The following COL22A1 variants were observed in gnomAD, a reference collection of about 807,000 sequenced individuals.
COL22A1 encodes collagen type XXII alpha 1 chain.
In COL22A1, 221 loss-of-function variants were observed where a neutral mutation model predicts 248.9. The observed-to-expected ratio is 0.89, with a 90% CI of 0.80 to 0.99. The LOEUF (loss-of-function observed/expected upper bound fraction) is 0.99. COL22A1 is among the 50% of genes least tolerant of loss of function. The pLI, the probability that COL22A1 is intolerant of heterozygous loss-of-function variation, is 0.00. For missense variants in COL22A1, 2,240 were observed against 2,179.0 expected (o/e 1.03, Z -0.56); for synonymous variants, 891 against 793.4 (o/e 1.12, Z -2.07).
intron 21 of COL22A1, among the ~76,000 whole-genome samples, chr8:138,754,886 C>T (rs1832868156): frequency 6.6e-6 from 1 of 152,198 alleles, no homozygotes; most frequent in African/African-American, 2.4e-5. Context: ...CCATCATGGC[C>T]CGCTGGGGAC....
rs185758859 is a variant in COL22A1 at position 138,809,746 on chromosome 8, C to T, written c.1450-1934G>A. The stretch of plus-strand genomic sequence containing the variant: ...TGTTGGCCAGGCTGGTCTCAAACTC[C>T]TGATCTCGTGATCTGCCTGCCTCGG... On this transcript the variant is annotated intron_variant, in intron 9 of 64. Coordinates refer to ENST00000303045, the MANE Select transcript of COL22A1 (RefSeq NM_152888.3). Among the ~76,000 whole-genome samples, 302 of 152,098 alleles carry T rather than the reference C, an allele frequency of 2.0e-3. 2 individuals carry two copies. The highest frequency in any genetic ancestry group is 6.9e-3 in the African/African-American group (287 of 41,482).
intron 10 of COL22A1, among the ~76,000 whole-genome samples, chr8:138,805,365 ATGGGTG>A (rs1817437810): frequency 1.5e-4 from 20 of 130,176 alleles, no homozygotes; most frequent in Middle Eastern, 6.0e-3. Flanking sequence ...GATGGTGTGC[ATGGGTG>A]TGTGATGGTG....
chr8:138,709,508 A>G (rs1206976666), intron 30 of COL22A1, among the ~76,000 whole-genome samples: 2 of 151,934 alleles, frequency 1.3e-5, no homozygotes, highest in African/African-American at 4.8e-5. Context: ...GAAGCTGGAA[A>G]TCATCATTCT....
intron 37 of COL22A1, among the ~76,000 whole-genome samples, chr8:138,688,101 C>T (rs1014359935): frequency 6.6e-6 from 1 of 152,084 alleles, no homozygotes; most frequent in Admixed American, 6.5e-5. Context: ...ACCTCAGAGA[C>T]ATTTCCTAAG....
At chr8:138,680,996 G>T (rs975873414) in intron 39 of COL22A1, among the ~76,000 whole-genome samples, 2 of 152,268 alleles carry the variant, frequency 1.3e-5, no homozygotes, top group African/African-American at 2.4e-5. Context: ...CCCCCCGGGG[G>T]GGGTCTCAGC....
chr8:138,636,930 C>T (rs2132035313), intron 47 of COL22A1, 135 bp from the exon 48 acceptor site: 3 of 743,712 alleles, frequency 4.0e-6, no homozygotes, highest in African/African-American at 3.5e-5. Flanking sequence ...GTAGCTCAGG[C>T]ACGGTGGCAG....
chr8:138,854,530 C>T (rs1821871256), intron 3 of COL22A1, among the ~76,000 whole-genome samples: 1 of 152,128 alleles, frequency 6.6e-6, no homozygotes, highest in Admixed American at 6.5e-5. Context: ...GGTGATGGAG[C>T]CCTTCCCACT....
intron 23 of COL22A1, among the ~76,000 whole-genome samples, chr8:138,729,587 T>C (rs1830562963): frequency 6.6e-6 from 1 of 152,220 alleles, no homozygotes; most frequent in African/African-American, 2.4e-5. Flanking sequence ...TCTGAAAGTC[T>C]GGAAAGCTCT....
At chr8:138,658,446 G>T (rs1340965577) in intron 44 of COL22A1, among the ~76,000 whole-genome samples, 1 of 152,146 alleles carries the variant, frequency 6.6e-6, no homozygotes, top group Non-Finnish European at 1.5e-5. Context: ...AGCCATGTGG[G>T]CACTCCATGC....
chr8:138,818,847 C>T (rs1432202827), intron 7 of COL22A1, among the ~76,000 whole-genome samples: 2 of 152,172 alleles, frequency 1.3e-5, no homozygotes, highest in Admixed American at 6.5e-5. Context: ...ATTTCATCCC[C>T]TCAGCAACTG....
chr8:138,597,146 C>A (rs1817610682), intron 61 of COL22A1, among the ~76,000 whole-genome samples, 176 bp from the exon 62 acceptor site: 1 of 152,180 alleles, frequency 6.6e-6, no homozygotes, highest in South Asian at 2.1e-4. Context: ...CTCTGTTATG[C>A]AGGCAGCATC....
Position 138,903,127 on chromosome 8 carries a change from C to G in COL22A1, c.-73+10492G>C, listed in dbSNP as rs191602542. Among the ~76,000 whole-genome samples, 432 of 152,244 alleles carry G rather than the reference C, an allele frequency of 2.8e-3. 2 individuals are homozygous for G. The highest frequency in any genetic ancestry group is 9.6e-3 in the African/African-American group (401 of 41,556). ...AACTTATGAATTATTGAGCATCAAC[C>G]CTACAGCAAATATGGAGCAGGGACA... On this transcript the variant is annotated intron_variant, in intron 1 of 64. Transcript: ENST00000303045.
At chr8:138,837,797 G>A (rs1478511975) in intron 4 of COL22A1, among the ~76,000 whole-genome samples, 2 of 152,162 alleles carry the variant, frequency 1.3e-5, no homozygotes, top group Admixed American at 1.3e-4. Context: ...GTCTGCTTAG[G>A]ATTAGATGTT....
intron 12 of COL22A1, among the ~76,000 whole-genome samples, chr8:138,789,041 T>C (rs1815802867): frequency 6.6e-6 from 1 of 152,130 alleles, no homozygotes; most frequent in African/African-American, 2.4e-5. Flanking sequence ...AGTCCAGCAT[T>C]TACCCTTCCC....
intron 41 of COL22A1, among the ~76,000 whole-genome samples, chr8:138,670,171 C>T (rs9657456): frequency 6.6e-6 from 1 of 152,118 alleles, no homozygotes; most frequent in African/African-American, 2.4e-5. Flanking sequence ...ACAGGTTGAG[C>T]CACTGCACCT....
intron 3 of COL22A1, among the ~76,000 whole-genome samples, chr8:138,845,873 C>T (rs914153937): frequency 6.6e-6 from 1 of 152,068 alleles, no homozygotes; most frequent in Non-Finnish European, 1.5e-5. Context: ...CCAGCCCTGC[C>T]CATGAAGCAA....
chr8:138,593,144 A>T (rs573889955), intron 63 of COL22A1, among the ~76,000 whole-genome samples: 65 of 152,200 alleles, frequency 4.3e-4, no homozygotes, highest in Non-Finnish European at 1.5e-5. Context: ...GCATGTTCTC[A>T]CTCATAAGTG....
chr8:138,700,585 A>C (rs977810726), intron 31 of COL22A1, among the ~76,000 whole-genome samples: 2 of 152,120 alleles, frequency 1.3e-5, no homozygotes. Flanking sequence ...GGTTGGGGAG[A>C]GTAGGAGAGG....
chr8:138,847,214 A>G (rs1005324728), intron 3 of COL22A1, among the ~76,000 whole-genome samples: 14 of 152,194 alleles, frequency 9.2e-5, no homozygotes, highest in African/African-American at 3.4e-4. Flanking sequence ...CTCCAAACCC[A>G]TAACAGGCCT....
Sources: gnomAD v4.1 joint callset for allele counts (sites outside exome capture counted in the v4.1 genomes callset) on GRCh38, gnomAD v4.1.1 for gene constraint, MANE v1.5 for transcripts, NCBI Gene and HGNC (gene_info 2026-07-23, HGNC 2026-07-21) for gene names.